The following APC variants were observed in gnomAD, a reference collection of about 807,000 sequenced individuals.
The protein encoded by APC is APC regulator of Wnt signaling pathway, also known as adenomatous polyposis coli protein.
Under a neutral mutation model 247.0 loss-of-function variants are expected in APC, and 72 were observed. The observed-to-expected ratio is 0.29, with a 90% CI of 0.24 to 0.35. The LOEUF (loss-of-function observed/expected upper bound fraction) is 0.35, where lower values mean the gene tolerates loss of function less well. Ranked by LOEUF, APC falls within the 10% of genes least tolerant of loss-of-function variation. The pLI is 1.00. For missense variants in APC, 3,400 were observed against 3,360.7 expected (o/e 1.01, Z -0.29); for synonymous variants, 1,254 against 1,162.5 (o/e 1.08, Z -1.60).
intron 9 of APC, among the ~76,000 whole-genome samples, chr5:112,818,125 A>G (rs942601234): frequency 6.6e-6 from 1 of 152,212 alleles, no homozygotes; most frequent in Admixed American, 6.5e-5. Context: ...ATGTTGTCAA[A>G]TGTGTCCCGA....
Position 112,827,934 on chromosome 5 carries a change from G to T in APC, c.1554G>T (p.Thr518=), listed in dbSNP as rs546568052. The part of the protein sequence containing the change: ...LTFGDVANKA[T]LCSMKGCMRA... Reference sequence around the variant, plus strand: ...ATTCTGTATTTAATTTACAGGCTACGCTATGCTCTATGAAAGGCTGCATGA... The same window carrying T: ...ATTCTGTATTTAATTTACAGGCTACTCTATGCTCTATGAAAGGCTGCATGA... Residue 518 remains threonine, a synonymous_variant, in exon 13 of 16, where the codon ACG becomes ACT. Coordinates refer to ENST00000257430, the MANE Select transcript of APC (RefSeq NM_000038.6). The T allele has an allele frequency of 6.2e-7, 1 of 1,612,922 alleles. No homozygotes were observed. The highest frequency in any genetic ancestry group is 8.5e-7 in the Non-Finnish European group (1 of 1,179,490).
intron 11 of APC, among the ~76,000 whole-genome samples, chr5:112,825,422 G>A (rs987337695): frequency 3.3e-5 from 5 of 152,144 alleles, no homozygotes; most frequent in Non-Finnish European, 7.4e-5. Flanking sequence ...ATGTGATCCG[G>A]CATCTACCCA....
chr5:112,754,181 C>T (rs1461663017), intron 1 of APC, among the ~76,000 whole-genome samples: 1 of 152,202 alleles, frequency 6.6e-6, no homozygotes, highest in Non-Finnish European at 1.5e-5. Context: ...CCCAAGACCA[C>T]ATATGCCATA....
intron 11 of APC, among the ~76,000 whole-genome samples, chr5:112,826,688 T>TA (rs1763699159): frequency 6.7e-6 from 1 of 148,188 alleles, no homozygotes; most frequent in Admixed American, 6.7e-5. Flanking sequence ...AAAAAAAAAT[T>TA]AAAGTAGTTA....
Position 112,815,571 on chromosome 5 carries a change from T to C in APC, c.911T>C (p.Leu304Pro), listed in dbSNP as rs1064793322. 1.2e-6 allele frequency: 2 copies of C among 1,611,440 alleles called. No homozygotes were observed. The highest frequency in any genetic ancestry group is 1.7e-6 in the Non-Finnish European group (2 of 1,178,308). ...AGCACACACTCTGCACCTCGAAGGC[T>C]GACAAGTCATCTGGGAACCAAGGTA... ...SSSTHSAPRR[L>P]TSHLGTKVEM... Residue 304 changes from leucine (L) to proline (P), a missense_variant, in exon 9 of 16, where the codon CTG (leucine) becomes CCG (proline). Physicochemically the swap from Leu to Pro is moderately conservative, Grantham distance 98. Coordinates refer to ENST00000257430, the MANE Select transcript of APC (RefSeq NM_000038.6).
rs1763208010 is a variant in APC at position 112,822,099 on chromosome 5, G to A, written c.1408+108G>A. ...AGATTTTTAATCATTGATGAATTAG[G>A]ATATAAGGCCACCAACTTCTGTTAT... On this transcript the variant is annotated intron_variant, in intron 11 of 15. Transcript: ENST00000257430. The A allele has an allele frequency of 5.1e-6, 4 of 783,992 alleles. No homozygotes were observed. In the South Asian group the frequency reaches 6.4e-5, roughly 12 times the overall value. The allele number at this position is 783,992 out of a possible 1,614,324, so 48.6% of individuals were successfully genotyped here. A position where few individuals can be genotyped will look rare whatever the true frequency, so the allele number is the denominator to read the frequency against.
At chr5:112,746,563 C>A (rs1039563059) in intron 1 of APC, among the ~76,000 whole-genome samples, 3 of 152,064 alleles carry the variant, frequency 2.0e-5, no homozygotes, top group Non-Finnish European at 4.4e-5. Flanking sequence ...ATTCAAAAAT[C>A]TTATAACTGA....
intron 4 of APC, among the ~76,000 whole-genome samples, chr5:112,769,058 TTTTTTTTTTTTTG>T (rs1179304503): frequency 7.1e-6 from 1 of 140,938 alleles, no homozygotes; most frequent in African/African-American, 2.7e-5. Context: ...TTCTTTTTTT[TTTTTTTTTTTTTG>T]AGATAAGAGT....
At position 112,840,713 on chromosome 5, in the gene APC, T is replaced by A. The variant is rs1561597836; in HGVS notation, c.5119T>A (p.Ser1707Thr). Residue 1707 changes from serine to threonine, a missense_variant, in exon 16 of 16, where the codon TCT (serine) becomes ACT (threonine). Ser to Thr is a moderately conservative substitution (Grantham distance 58). Around this residue, in one of 9 missense-constraint regions of APC, gnomAD observed 1,788 missense variants for 1,649.5 expected, o/e 1.08. Coordinates refer to ENST00000257430, the MANE Select transcript of APC (RefSeq NM_000038.6). This position sits in a 1 kb window ranked among gnomAD's most constrained non-coding sequence, Gnocchi z 4.1. ...TDEAQGGKTS[S>T]VTIPELDDNK... Reference sequence around the variant, plus strand: ...TGAGGCTCAAGGAGGAAAAACCTCATCTGTAACCATACCTGAATTGGATGA... The same window carrying A: ...TGAGGCTCAAGGAGGAAAAACCTCAACTGTAACCATACCTGAATTGGATGA... 6.2e-7 allele frequency: 1 copy of A among 1,614,112 alleles called. No homozygotes were observed. Among genetic ancestry groups the A allele is most frequent in the Non-Finnish European group, 8.5e-7 (1 of 1,179,994 alleles).
At chr5:112,833,716 A>T (rs1764560505) in intron 14 of APC, among the ~76,000 whole-genome samples, 1 of 152,220 alleles carries the variant, frequency 6.6e-6, no homozygotes, top group Non-Finnish European at 1.5e-5. Context: ...ATTGTATGTT[A>T]GGGAGTTCCA....
intron 2 of APC, among the ~76,000 whole-genome samples, chr5:112,758,100 G>A (rs529962662): frequency 1.3e-5 from 2 of 152,096 alleles, no homozygotes; most frequent in East Asian, 3.9e-4. Flanking sequence ...TATTGATGTG[G>A]GATATGAAGG....
chr5:112,823,879 A>T (rs1763387895), intron 11 of APC, among the ~76,000 whole-genome samples: 1 of 152,122 alleles, frequency 6.6e-6, no homozygotes, highest in Non-Finnish European at 1.5e-5. Flanking sequence ...TAGCAAACAG[A>T]ATCTCCAGGG....
intron 1 of APC, among the ~76,000 whole-genome samples, chr5:112,731,567 T>C (rs1561412677): frequency 1.3e-5 from 2 of 152,186 alleles, no homozygotes; most frequent in Admixed American, 6.5e-5. Flanking sequence ...CACTGTTGCA[T>C]TGGGGATTAA....
At position 112,828,859 on chromosome 5, in the gene APC, A is replaced by G. The variant is rs1580573908; in HGVS notation, c.1630A>G (p.Ile544Val). The change falls in exon 14 of 16, where the codon ATT (isoleucine) becomes GTT (valine). Residue 544 changes from isoleucine (I) to valine (V), a missense_variant. Physicochemically the swap from Ile to Val is conservative, Grantham distance 29. Around this residue, in one of 9 missense-constraint regions of APC, gnomAD observed 184 missense variants for 248.0 expected, o/e 0.74. Coordinates refer to ENST00000257430, the MANE Select transcript of APC (RefSeq NM_000038.6). ...KSESEDLQQV[I>V]ASVLRNLSWR... ...TCTAAAATTGATTAATTTGCAGGTT[A>G]TTGCGAGTGTTTTGAGGAATTTGTC... The G allele has an allele frequency of 6.2e-7, 1 of 1,604,122 alleles. No individual in the cohort carries two copies. Among genetic ancestry groups the G allele is most frequent in the Middle Eastern group, 1.7e-4 (1 of 6,034 alleles).
At position 112,841,942 on chromosome 5, in the gene APC, T is replaced by C. The variant is rs1346330298; in HGVS notation, c.6348T>C (p.His2116=). ...EGANSIVSSL[H]QAAAAACLSR... ...CAAATTCCATAGTAAGTAGTTTACA[T>C]CAAGCTGCTGCTGCTGCATGTTTAT... The change falls in exon 16 of 16, where the codon CAT becomes CAC. Residue 2116 remains histidine (H), a synonymous_variant. Transcript: ENST00000257430. This position sits in a 1 kb window ranked among gnomAD's most constrained non-coding sequence, Gnocchi z 4.6. 1.2e-6 allele frequency: 2 copies of C among 1,613,846 alleles called. No homozygotes were observed. The highest frequency in any genetic ancestry group is 2.7e-5 in the African/African-American group (2 of 74,918).
At chr5:112,791,933 C>T (rs1759648757) in intron 6 of APC, among the ~76,000 whole-genome samples, 1 of 151,900 alleles carries the variant, frequency 6.6e-6, no homozygotes, top group Non-Finnish European at 1.5e-5. Flanking sequence ...GAATAAAGTC[C>T]AGTGTATTAC....
upstream of APC, among the ~76,000 whole-genome samples, chr5:112,736,184 T>C (rs1752372186): frequency 1.3e-5 from 2 of 152,256 alleles, no homozygotes; most frequent in Admixed American, 1.3e-4. Flanking sequence ...GAAAGCCTTT[T>C]GTAAAATGAA....
intron 9 of APC, among the ~76,000 whole-genome samples, chr5:112,818,156 G>C (rs1762696800): frequency 6.6e-6 from 1 of 152,168 alleles, no homozygotes. Flanking sequence ...ATTGCCCCCA[G>C]TTGAGAACCA....
At position 112,821,916 on chromosome 5, in the gene APC, C is replaced by T. The variant is rs876658802; in HGVS notation, c.1333C>T (p.Gln445Ter). ...KNPMPAPVEH[Q>*]ICPAVCVLMK... Reference sequence around the variant, plus strand: ...TTCAGTGCCAGCTCCTGTTGAACATCAGATCTGTCCTGCTGTGTGTGTTCT... The same window carrying T: ...TTCAGTGCCAGCTCCTGTTGAACATTAGATCTGTCCTGCTGTGTGTGTTCT... Residue 445 changes from glutamine (Q) to a stop codon, truncating the protein, a stop_gained, in exon 11 of 16, where the codon CAG (glutamine) becomes TAG (stop). Coordinates refer to ENST00000257430, the MANE Select transcript of APC (RefSeq NM_000038.6). LOFTEE classifies it high-confidence loss of function. The T allele has an allele frequency of 6.2e-7, 1 of 1,613,018 alleles. No individual in the cohort carries two copies. The highest frequency in any genetic ancestry group is 1.3e-5 in the African/African-American group (1 of 74,866).
Sources: gnomAD v4.1 joint callset for allele counts (sites outside exome capture counted in the v4.1 genomes callset) on GRCh38, gnomAD v4.1.1 for gene constraint, gnomAD v4.1.1 regional missense constraint, Gnocchi (gnomAD v3.1) non-coding constraint, MANE v1.5 for transcripts, NCBI Gene and HGNC (gene_info 2026-07-23, HGNC 2026-07-21) for gene names.